The following GPHN variants were observed in gnomAD, a reference collection of about 807,000 sequenced individuals.
GPHN encodes the protein gephyrin.
In GPHN, 17 loss-of-function variants were observed where a neutral mutation model predicts 95.5. The ratio of observed to expected loss-of-function variants is 0.18; its 90% confidence interval spans 0.12 to 0.27. The LOEUF (loss-of-function observed/expected upper bound fraction) is 0.27, where lower values mean the gene tolerates loss of function less well. Among genes scored for constraint, GPHN ranks in the 10% least tolerant of loss-of-function variants. The pLI is 1.00. For synonymous variants in GPHN, 320 were observed against 322.5 expected, an observed-to-expected ratio of 0.99 and a Z score of 0.08; for missense variants, 660 against 978.1, an observed-to-expected ratio of 0.67 and a Z score of 4.34.
the GPHN span, chr14:67,221,634 G>C: frequency 8.4e-7 from 1 of 1,188,994 alleles, no homozygotes; most frequent in South Asian, 1.6e-5. Context: ...TCTATAATCA[G>C]CAATGGCCTA....
At chr14:67,235,298 G>A in the GPHN span, among the ~76,000 whole-genome samples, 514 of 152,232 alleles carry the variant, frequency 3.4e-3, 1 homozygote, top group Non-Finnish European at 6.1e-3. Flanking sequence ...AAAGATATAG[G>A]TAATTTTATA....
At chr14:67,576,558 A>G in the GPHN span, 17 of 857,158 alleles carry the variant, frequency 2.0e-5, no homozygotes, top group Middle Eastern at 4.4e-4. This position sits in a 1 kb window ranked among gnomAD's most constrained non-coding sequence, Gnocchi z 4.0. Context: ...CTTGGTGACT[A>G]TTGGTCAAGA....
chr14:67,675,467 T>C, the GPHN span, among the ~76,000 whole-genome samples: 1 of 151,772 alleles, frequency 6.6e-6, no homozygotes, highest in African/African-American at 2.4e-5. Flanking sequence ...CGAGATCTTG[T>C]CTCCAAAAAA....
chr14:67,714,224 C>G, the GPHN span, among the ~76,000 whole-genome samples: 1 of 152,178 alleles, frequency 6.6e-6, no homozygotes, highest in East Asian at 1.9e-4. Flanking sequence ...CAGCCTCCAC[C>G]TTCAGGGCTC....
intron 1 of GPHN, among the ~76,000 whole-genome samples, chr14:66,523,831 TATCTGACCTCA>T (rs1440360491): frequency 1.3e-5 from 2 of 152,236 alleles, no homozygotes; most frequent in South Asian, 2.1e-4. Flanking sequence ...AACTTTTGGG[TATCTGACCTCA>T]ATCTTGGTGT....
chr14:66,901,338 T>C (rs1336513984), intron 5 of GPHN, among the ~76,000 whole-genome samples: 1 of 152,030 alleles, frequency 6.6e-6, no homozygotes, highest in Non-Finnish European at 1.5e-5. Context: ...GTTGTCTCTT[T>C]GCTTTCCTGA....
chr14:67,359,702 G>A, the GPHN span: 11 of 1,614,098 alleles, frequency 6.8e-6, no homozygotes, highest in East Asian at 8.9e-5. Flanking sequence ...CCGACATTCT[G>A]ACGATAACTT....
chr14:67,005,891 A>G (rs1217069326), intron 9 of GPHN, among the ~76,000 whole-genome samples: 1 of 151,548 alleles, frequency 6.6e-6, no homozygotes, highest in Non-Finnish European at 1.5e-5. Context: ...AGAAAGACTA[A>G]TATTATATAT....
the GPHN span, among the ~76,000 whole-genome samples, chr14:67,356,172 C>T: frequency 2.0e-5 from 3 of 152,108 alleles, no homozygotes; most frequent in African/African-American, 7.2e-5. Flanking sequence ...GTAATACCAA[C>T]ACTTTGGGAG....
At chr14:67,304,300 A>G in the GPHN span, among the ~76,000 whole-genome samples, 1 of 152,302 alleles carries the variant, frequency 6.6e-6, no homozygotes, top group Admixed American at 6.5e-5. Context: ...CAAAGTATAT[A>G]TCCAAAAGGA....
the GPHN span, among the ~76,000 whole-genome samples, chr14:67,456,948 A>T: frequency 6.6e-6 from 1 of 152,260 alleles, no homozygotes; most frequent in Non-Finnish European, 1.5e-5. Flanking sequence ...CTATACAGCC[A>T]TGAAAAAGAA....
the GPHN span, chr14:67,587,528 C>T: frequency 2.3e-6 from 1 of 431,088 alleles, no homozygotes; most frequent in Non-Finnish European, 4.3e-6. Flanking sequence ...TCCACTGTTA[C>T]TGAGGGCATC....
the GPHN span, among the ~76,000 whole-genome samples, chr14:67,669,821 C>T: frequency 2.0e-5 from 3 of 152,138 alleles, no homozygotes; most frequent in Admixed American, 1.3e-4. Context: ...ACTCTTGGGC[C>T]GGGAACTGTA....
At chr14:67,058,045 C>G (rs1029686671) in intron 10 of GPHN, among the ~76,000 whole-genome samples, 1 of 152,186 alleles carries the variant, frequency 6.6e-6, no homozygotes, top group Non-Finnish European at 1.5e-5. Context: ...AAAAAACTGT[C>G]TGATCTGAGA....
At chr14:67,370,449 G>T in the GPHN span, among the ~76,000 whole-genome samples, 1 of 152,106 alleles carries the variant, frequency 6.6e-6, no homozygotes, top group African/African-American at 2.4e-5. Flanking sequence ...TTAAAAAAGA[G>T]CAAAATTGAT....
chr14:67,418,832 G>A, the GPHN span, among the ~76,000 whole-genome samples: 6 of 152,192 alleles, frequency 3.9e-5, no homozygotes, highest in Non-Finnish European at 7.3e-5. Flanking sequence ...CCCTCTCCCT[G>A]TCATTAACAC....
chr14:66,628,231 C>T (rs1458467036), intron 1 of GPHN, among the ~76,000 whole-genome samples: 1 of 152,128 alleles, frequency 6.6e-6, no homozygotes, highest in African/African-American at 2.4e-5. Context: ...TCATTCATTG[C>T]TTAATGATGG....
intron 1 of GPHN, among the ~76,000 whole-genome samples, chr14:66,588,594 A>G (rs891131034): frequency 6.6e-6 from 1 of 152,130 alleles, no homozygotes; most frequent in African/African-American, 2.4e-5. Flanking sequence ...AAGCATACAC[A>G]AGTATCAATA....
chr14:67,282,530 G>A, the GPHN span, among the ~76,000 whole-genome samples: 15 of 152,034 alleles, frequency 9.9e-5, no homozygotes, highest in African/African-American at 3.6e-4. Flanking sequence ...TTGTAAATTT[G>A]ACAATGTATG....
Sources: gnomAD v4.1 joint callset for allele counts (sites outside exome capture counted in the v4.1 genomes callset) on GRCh38, gnomAD v4.1.1 for gene constraint, Gnocchi (gnomAD v3.1) non-coding constraint, MANE v1.5 for transcripts, NCBI Gene and HGNC (gene_info 2026-07-23, HGNC 2026-07-21) for gene names.